The following MTCL1 variants were observed in gnomAD, a reference collection of about 807,000 sequenced individuals.
MTCL1 encodes the protein microtubule crosslinking factor 1.
A neutral mutation model predicts 141.4 loss-of-function variants in MTCL1; 79 were observed. The ratio of observed to expected loss-of-function variants is 0.56; its 90% confidence interval spans 0.47 to 0.67. The LOEUF (loss-of-function observed/expected upper bound fraction) is 0.67. Among genes scored for constraint, MTCL1 ranks in the 30% least tolerant of loss-of-function variants. MTCL1 has a pLI of 0.00. For missense variants in MTCL1, 2,177 were observed against 2,113.9 expected, an observed-to-expected ratio of 1.03 and a Z score of -0.59; for synonymous variants, 914 against 875.8, an observed-to-expected ratio of 1.04 and a Z score of -0.77.
At chr18:8,718,336 T>C (rs957470777) in intron 2 of MTCL1, 88 bp from the exon 2 acceptor site, 7 of 1,249,174 alleles carry the variant, frequency 5.6e-6, no homozygotes, top group Middle Eastern at 4.1e-4. Context: ...ATTCAATATT[T>C]AGTATTGAGG....
chr18:8,742,600 C>T (rs575624078), intron 4 of MTCL1, among the ~76,000 whole-genome samples: 2 of 152,312 alleles, frequency 1.3e-5, no homozygotes, highest in South Asian at 4.1e-4. Flanking sequence ...GATTCTGTTA[C>T]TTCCATCTGG....
At chr18:8,831,813 T>C in exon 17 of MTCL1, 1 of 1,550,114 alleles carries the variant, frequency 6.5e-7, no homozygotes, top group East Asian at 2.4e-5. Context: ...CAAGCTTGCA[T>C]GGATTATCAC....
intron 1 of MTCL1, among the ~76,000 whole-genome samples, chr18:8,711,431 T>C (rs1227977924): frequency 2.8e-5 from 4 of 144,584 alleles, no homozygotes; most frequent in Non-Finnish European, 3.0e-5. Flanking sequence ...GGTCAAATGG[T>C]ATTTCTAGTT....
intron 13 of MTCL1, among the ~76,000 whole-genome samples, chr18:8,819,638 C>G (rs989231960): frequency 1.3e-5 from 2 of 152,120 alleles, no homozygotes; most frequent in Non-Finnish European, 2.9e-5. Context: ...AGGTCTCACT[C>G]TCTTGCCCAG....
chr18:8,769,604 G>C (rs1242227983), intron 4 of MTCL1, among the ~76,000 whole-genome samples: 1 of 152,158 alleles, frequency 6.6e-6, no homozygotes, highest in Non-Finnish European at 1.5e-5. Flanking sequence ...ATGTGCAGGA[G>C]AAAGTGGCAT....
intron 14 of MTCL1, among the ~76,000 whole-genome samples, chr18:8,823,879 T>C (rs1459869511): frequency 6.6e-6 from 1 of 152,132 alleles, no homozygotes; most frequent in African/African-American, 2.4e-5. Context: ...GGAGGAGTGG[T>C]CCATACACTC....
intron 7 of MTCL1, among the ~76,000 whole-genome samples, chr18:8,788,868 C>A (rs1007258950): frequency 1.3e-5 from 2 of 152,226 alleles, no homozygotes; most frequent in African/African-American, 4.8e-5. Flanking sequence ...AGTGTTTCTG[C>A]TGCCTGCTCT....
rs529752088 is a variant in MTCL1 at position 8,792,859 on chromosome 18, G to C, written c.1888-139G>C. On this transcript the variant is annotated intron_variant, in intron 7 of 16. Coordinates refer to ENST00000359865, the Ensembl canonical transcript of MTCL1. ...GGGAGGCCCCAGCGGAGCTGCCACA[G>C]TCACTCCACTGCTGCAGTGCCCACA... 20 of 1,226,768 alleles carry C rather than the reference G, an allele frequency of 1.6e-5. No individual in the cohort carries two copies. In the African/African-American group the frequency reaches 2.7e-4, roughly 17 times the overall value. 76.0% of individuals were successfully genotyped at this position (1,226,768 alleles called of 1,614,324 possible). A position where few individuals can be genotyped will look rare whatever the true frequency, so the allele number is the denominator to read the frequency against.
chr18:8,806,426 C>A (rs2076298264), intron 10 of MTCL1, among the ~76,000 whole-genome samples: 1 of 152,048 alleles, frequency 6.6e-6, no homozygotes, highest in Non-Finnish European at 1.5e-5. Context: ...GTGTGTAGGT[C>A]TTGTCATATC....
chr18:8,746,079 T>A (rs1039129503), intron 4 of MTCL1, among the ~76,000 whole-genome samples: 3 of 152,242 alleles, frequency 2.0e-5, no homozygotes, highest in African/African-American at 7.2e-5. Context: ...AGAATTTCCA[T>A]CCCTTTTAAG....
At chr18:8,816,603 C>T (rs1017470952) in intron 12 of MTCL1, among the ~76,000 whole-genome samples, 1 of 152,104 alleles carries the variant, frequency 6.6e-6, no homozygotes, top group Non-Finnish European at 1.5e-5. Flanking sequence ...GTAAAACTTG[C>T]TGTTATATTT....
chr18:8,783,706 G>GC lies in MTCL1; in HGVS notation c.600dup (p.Ser201GlnfsTer66). 1.2e-6 allele frequency: 2 copies of GC among 1,607,846 alleles called. No individual in the cohort carries two copies. The highest frequency in any genetic ancestry group is 1.7e-6 in the Non-Finnish European group (2 of 1,177,034). ...CCCTGCCCACGGGGGAAGCAGGCGGGCCCCCCAGCACCCGGGAGGCCGAGC... is the reference window on the plus strand; with the variant it reads ...CCCTGCCCACGGGGGAAGCAGGCGGGCCCCCCCAGCACCCGGGAGGCCGAGC... On this transcript the variant is annotated frameshift_variant, in exon 6 of 17. Coordinates refer to ENST00000359865, the Ensembl canonical transcript of MTCL1. LOFTEE classifies it high-confidence loss of function.
chr18:8,729,855 A>G (rs1475356559), intron 4 of MTCL1, among the ~76,000 whole-genome samples: 1 of 151,980 alleles, frequency 6.6e-6, no homozygotes, highest in African/African-American at 2.4e-5. Context: ...TGTGGTATCA[A>G]TTTTAAAAGC....
chr18:8,717,913 G>A, exon 2 of MTCL1: 5 of 994,056 alleles, frequency 5.0e-6, no homozygotes, highest in Non-Finnish European at 6.0e-6. Flanking sequence ...GCGTCGCTTA[G>A]TCAATGCTGA....
chr18:8,796,149 G>A lies in MTCL1; in HGVS notation c.2011-83G>A, dbSNP rs1413498483. On this transcript the variant is annotated intron_variant, in intron 8 of 16. Transcript: ENST00000359865. Reference sequence around the variant, plus strand: ...TATGCAGCATGACAGAGACTGAGTGGCAGTTTGCAGGGACTCTTGGTTTGG... The same window carrying A: ...TATGCAGCATGACAGAGACTGAGTGACAGTTTGCAGGGACTCTTGGTTTGG... 19 of 1,337,378 alleles carry A rather than the reference G, an allele frequency of 1.4e-5. No individual in the cohort carries two copies. The South Asian group carries it at 1.6e-4, about 11-fold the overall frequency. The allele number at this position is 1,337,378 out of a possible 1,614,324, so 82.8% of individuals were successfully genotyped here.
rs1405423819 is a variant in MTCL1, at chr18:8,822,331, GT to G, written c.3188+834del. Among the ~76,000 whole-genome samples, 1 of 152,070 alleles carries G rather than the reference GT, an allele frequency of 6.6e-6. No homozygotes were observed. The highest frequency in any genetic ancestry group is 6.5e-5 in the Admixed American group (1 of 15,268). ...GATTTTTGAAATGGAGTCTCGCTCT[GT>G]CTCCCAGGCTGGAGTACAGTGGCAC... On this transcript the variant is annotated intron_variant, in intron 14 of 16. Transcript: ENST00000359865. This position sits in a 1 kb window ranked among gnomAD's most constrained non-coding sequence, Gnocchi z 4.6.
At chr18:8,741,481 G>A (rs908123213) in intron 4 of MTCL1, among the ~76,000 whole-genome samples, 5 of 152,190 alleles carry the variant, frequency 3.3e-5, no homozygotes, top group Admixed American at 3.3e-4. Flanking sequence ...GGAACTGGCT[G>A]CTTTTCCAGG....
At chr18:8,750,544 G>GAGGA (rs1447819693) in intron 4 of MTCL1, among the ~76,000 whole-genome samples, 3 of 152,212 alleles carry the variant, frequency 2.0e-5, no homozygotes, top group Non-Finnish European at 4.4e-5. Flanking sequence ...TGGAGGTGCA[G>GAGGA]AGGAAGGAAG....
exon 15 of MTCL1, chr18:8,825,710 C>T: frequency 1.2e-6 from 2 of 1,614,074 alleles, no homozygotes; most frequent in Non-Finnish European, 1.7e-6. Flanking sequence ...GGAAGCCCCT[C>T]CCCAAAGCCG....
Sources: gnomAD v4.1 joint callset for allele counts (sites outside exome capture counted in the v4.1 genomes callset) on GRCh38, gnomAD v4.1.1 for gene constraint, Gnocchi (gnomAD v3.1) non-coding constraint, MANE v1.5 for transcripts, NCBI Gene and HGNC (gene_info 2026-07-23, HGNC 2026-07-21) for gene names.